UGT2B7: variants seen among roughly 807,000 people sequenced by gnomAD.
The protein encoded by UGT2B7 is UDP glucuronosyltransferase family 2 member B7.
A neutral mutation model predicts 51.9 loss-of-function variants in UGT2B7; 51 were observed. That is an observed-to-expected ratio of 0.98 (90% CI 0.78 to 1.24). The LOEUF is 1.24. UGT2B7 is among the 50% of genes most tolerant of loss of function. UGT2B7 has a pLI of 0.00. For synonymous variants in UGT2B7, 225 were observed against 211.6 expected (o/e 1.06, Z -0.55); for missense variants, 727 against 628.4 (o/e 1.16, Z -1.68).
intron 1 of UGT2B7, among the ~76,000 whole-genome samples, chr4:69,080,347 A>G (rs565462375): frequency 4.7e-4 from 71 of 152,234 alleles, no homozygotes; most frequent in African/African-American, 1.6e-3. Context: ...CAGGAGTTTG[A>G]GACCAGACTG....
At chr4:69,060,170 C>G (rs1258214215) in intron 1 of UGT2B7, among the ~76,000 whole-genome samples, 3 of 152,148 alleles carry the variant, frequency 2.0e-5, no homozygotes, top group Non-Finnish European at 4.4e-5. Flanking sequence ...TCGAGGGGAC[C>G]CAAGACCTCC....
chr4:69,078,040 GT>G (rs981131733), intron 1 of UGT2B7, among the ~76,000 whole-genome samples: 2 of 151,664 alleles, frequency 1.3e-5, no homozygotes, highest in South Asian at 2.1e-4. Context: ...AGACAATCAT[GT>G]TTTTTTTGGT....
intron 1 of UGT2B7, among the ~76,000 whole-genome samples, chr4:69,082,433 A>T (rs907212055): frequency 1.3e-5 from 2 of 152,088 alleles, no homozygotes; most frequent in Non-Finnish European, 2.9e-5. Context: ...AAGTTCACGA[A>T]GGAAATTAGA....
At chr4:69,111,164 T>A (rs1719760552) in intron 5 of UGT2B7, among the ~76,000 whole-genome samples, 4 of 151,912 alleles carry the variant, frequency 2.6e-5, no homozygotes, top group Admixed American at 2.6e-4. Context: ...GAGCTTAAAG[T>A]AAAATAGAAG....
intron 2 of UGT2B7, 57 bp from the exon 3 acceptor site, chr4:69,102,750 T>A: frequency 6.3e-7 from 1 of 1,575,194 alleles, no homozygotes. Flanking sequence ...CCAATTCTTT[T>A]GGTAGTGCCC....
rs1464729167 is a variant in UGT2B7 at position 69,112,736 on chromosome 4, G to T, written c.1590G>T (p.Ter530TyrextTer13). The change falls in exon 6 of 6, where the codon TAG becomes TAT. Residue 530 changes from the stop codon to tyrosine (Y), a stop_lost. Coordinates refer to ENST00000305231, the MANE Select transcript of UGT2B7 (RefSeq NM_001074.4). Reference sequence around the variant, plus strand: ...AAGCAAAGAAGGGAAAAAATGATTAGTTATATCTGAGATTTGAAGCTGGAA... The same window carrying T: ...AAGCAAAGAAGGGAAAAAATGATTATTTATATCTGAGATTTGAAGCTGGAA... ...ARKAKKGKND[*>Y] The T allele has an allele frequency of 6.2e-7, 1 of 1,611,756 alleles. No homozygotes were observed. The highest frequency in any genetic ancestry group is 8.5e-7 in the Non-Finnish European group (1 of 1,179,212).
Position 69,107,265 on chromosome 4 carries a change from A to G in UGT2B7, c.1090+3A>G. The G allele has an allele frequency of 1.2e-6, 2 of 1,603,302 alleles. No individual in the cohort carries two copies. The highest frequency in any genetic ancestry group is 1.7e-6 in the Non-Finnish European group (2 of 1,173,628). On this transcript the variant is annotated splice_donor_region_variant and intron_variant, in intron 4 of 5. Transcript: ENST00000305231. The stretch of plus-strand genomic sequence containing the variant: ...GATACCCCAGAATGACCTTCTAGGT[A>G]AGACTCTGGTGAACAAATACTGAAT...
chr4:69,084,513 AT>A (rs200970218), intron 1 of UGT2B7, among the ~76,000 whole-genome samples: 1,549 of 152,226 alleles, frequency 0.01, 27 homozygotes, highest in African/African-American at 0.036. Flanking sequence ...GGTTTGATAC[AT>A]AGGTATACAT....
At chr4:69,071,094 T>C (rs1237460072) in intron 1 of UGT2B7, among the ~76,000 whole-genome samples, 1 of 152,132 alleles carries the variant, frequency 6.6e-6, no homozygotes, top group African/African-American at 2.4e-5. Flanking sequence ...TGACCATTTG[T>C]AATTGGATGG....
chr4:69,091,381 G>C (rs1010179519), intron 2 of UGT2B7, among the ~76,000 whole-genome samples: 2 of 149,936 alleles, frequency 1.3e-5, no homozygotes, highest in African/African-American at 2.4e-5. Flanking sequence ...GTGTGAATTA[G>C]AAACTTTAAA....
At chr4:69,099,380 A>G (rs1719354403) in intron 2 of UGT2B7, among the ~76,000 whole-genome samples, 1 of 151,932 alleles carries the variant, frequency 6.6e-6, no homozygotes, top group Non-Finnish European at 1.5e-5. Flanking sequence ...AGAGCCAGAT[A>G]CGTATTAGGA....
chr4:69,091,398 G>T (rs944315939), intron 2 of UGT2B7, among the ~76,000 whole-genome samples: 23 of 146,318 alleles, frequency 1.6e-4, no homozygotes, highest in Non-Finnish European at 2.9e-4. Flanking sequence ...TAAAGATTTT[G>T]TTTTTTTTTT....
chr4:69,058,711 G>A (rs907782325), intron 1 of UGT2B7, among the ~76,000 whole-genome samples: 3 of 152,042 alleles, frequency 2.0e-5, no homozygotes, highest in African/African-American at 7.2e-5. Context: ...AGGCATGAAT[G>A]CTATTCAGTT....
chr4:69,083,068 A>G (rs1490321283), intron 1 of UGT2B7, among the ~76,000 whole-genome samples: 2 of 152,144 alleles, frequency 1.3e-5, no homozygotes, highest in African/African-American at 4.8e-5. Context: ...TGCCTAGATG[A>G]CAGCACATAT....
At chr4:69,078,910 A>T (rs1392900659) in intron 1 of UGT2B7, among the ~76,000 whole-genome samples, 1 of 152,152 alleles carries the variant, frequency 6.6e-6, no homozygotes, top group Non-Finnish European at 1.5e-5. Context: ...ACATCCTGCC[A>T]TACTTGGGTT....
intron 1 of UGT2B7, among the ~76,000 whole-genome samples, chr4:69,085,585 T>C (rs1351691609): frequency 6.6e-6 from 1 of 152,140 alleles, no homozygotes; most frequent in Non-Finnish European, 1.5e-5. Context: ...CCTAGGGTTT[T>C]TATGGTTTTA....
At chr4:69,068,693 C>A (rs1189601341) in intron 1 of UGT2B7, among the ~76,000 whole-genome samples, 1 of 151,888 alleles carries the variant, frequency 6.6e-6, no homozygotes, top group African/African-American at 2.4e-5. Flanking sequence ...GTGCCCTCTT[C>A]TGAAAAACAC....
upstream of UGT2B7, among the ~76,000 whole-genome samples, chr4:69,092,769 T>C (rs188482473): frequency 1.3e-3 from 201 of 152,096 alleles, no homozygotes; most frequent in Middle Eastern, 6.8e-3. Flanking sequence ...TCTATGTAAA[T>C]ATAAATAATA....
intron 1 of UGT2B7, among the ~76,000 whole-genome samples, chr4:69,063,985 A>G (rs1718414549): frequency 6.7e-6 from 1 of 149,742 alleles, no homozygotes; most frequent in Non-Finnish European, 1.5e-5. Context: ...ATTGAATTCC[A>G]TTTACAGGAG....
Sources: allele counts gnomAD v4.1 joint callset (sites outside exome capture counted in the v4.1 genomes callset), GRCh38; gene constraint gnomAD v4.1.1; transcripts MANE v1.5; gene names NCBI Gene and HGNC (gene_info 2026-07-23, HGNC 2026-07-21).